Variants in PALD1 observed in about 807,000 individuals in gnomAD.
The protein encoded by PALD1 is paladin.
In PALD1, 57 loss-of-function variants were observed where a neutral mutation model predicts 96.0. The observed-to-expected ratio is 0.59, with a 90% CI of 0.48 to 0.74. The LOEUF is 0.74. PALD1 is among the 30% of genes least tolerant of loss of function. The pLI is 0.00. For synonymous variants in PALD1, 464 were observed against 473.6 expected (o/e 0.98, Z 0.26); for missense variants, 1,063 against 1,143.7 (o/e 0.93, Z 1.02).
rs61307157 is a variant in PALD1 at position 70,508,843 on chromosome 10, C to CTGTGTG, written c.-29-17071_-29-17066dup. Among the ~76,000 whole-genome samples the CTGTGTG allele has an allele frequency of 8.5e-5, 8 of 94,612 alleles. 1 individual carries two copies. The East Asian group carries it at 1.4e-3, about 16-fold the overall frequency. The allele number at this position is 94,612 out of a possible 152,430, so 62.1% of individuals were successfully genotyped here. A position where few individuals can be genotyped will look rare whatever the true frequency, so the allele number is the denominator to read the frequency against. On this transcript the variant is annotated intron_variant, in intron 1 of 19. Transcript: ENST00000263563. ...TGCAGGCCTGTGGGAGCTGCGGAAC[C>CTGTGTG]TGTGTGTGTGTGTGCAGGCCTGTGG...
the PALD1 span, among the ~76,000 whole-genome samples, chr10:70,462,212 A>G: frequency 1.3e-5 from 2 of 152,246 alleles, no homozygotes; most frequent in Non-Finnish European, 2.9e-5. Flanking sequence ...ACAAATGACT[A>G]GTAGGGAAAC....
At chr10:70,458,775 C>A in the PALD1 span, among the ~76,000 whole-genome samples, 2 of 152,196 alleles carry the variant, frequency 1.3e-5, no homozygotes, top group African/African-American at 2.4e-5. Flanking sequence ...TGTGTCCCCT[C>A]CCATCTGTCC....
chr10:70,516,256 G>A lies in PALD1; in HGVS notation c.-29-9667G>A, dbSNP rs1339529569. 1.3e-5 allele frequency among the ~76,000 whole-genome samples: 2 copies of A among 151,594 alleles called. 1 individual carries two copies. Among genetic ancestry groups the A allele is most frequent in the African/African-American group, 4.9e-5 (2 of 41,234 alleles). ...AGCGATCCTCCTGCCTCAGCCTCCC[G>A]AATAGCTGGGACTACAGGCGTGCAA... On this transcript the variant is annotated intron_variant, in intron 1 of 19. Coordinates refer to ENST00000263563, the MANE Select transcript of PALD1 (RefSeq NM_014431.3).
In PALD1 at chr10:70,541,445, G is replaced by A. The variant is rs1279320517; in HGVS notation, c.2050-18G>A. The A allele has an allele frequency of 5.0e-6, 8 of 1,612,360 alleles. No individual in the cohort carries two copies. The highest frequency in any genetic ancestry group is 5.9e-6 in the Non-Finnish European group (7 of 1,178,766). ...GCGTTGGGAGGGGGCTTCTGTCTCA[G>A]CAGCTGTCTTCCCTCAGGGCTTCCC... On this transcript the variant is annotated intron_variant, in intron 16 of 19. Coordinates refer to ENST00000263563, the MANE Select transcript of PALD1 (RefSeq NM_014431.3).
intron 4 of PALD1, among the ~76,000 whole-genome samples, chr10:70,530,683 G>C (rs1158156851): frequency 6.6e-6 from 1 of 152,154 alleles, no homozygotes; most frequent in Admixed American, 6.5e-5. Context: ...AGCTGCATCT[G>C]AATTGACCCC....
intron 1 of PALD1, among the ~76,000 whole-genome samples, chr10:70,519,577 T>C (rs570540702): frequency 4.7e-4 from 64 of 136,478 alleles, no homozygotes; most frequent in Middle Eastern, 3.6e-3. Context: ...TTCTTTCTTT[T>C]TTTTTTTTTT....
intron 17 of PALD1, among the ~76,000 whole-genome samples, chr10:70,546,099 C>T (rs1847356997): frequency 1.3e-5 from 2 of 151,728 alleles, no homozygotes; most frequent in Admixed American, 6.6e-5. Context: ...TAGCTGGGTG[C>T]GGTGGCAGGT....
chr10:70,468,602 T>C, the PALD1 span, among the ~76,000 whole-genome samples: 1 of 151,952 alleles, frequency 6.6e-6, no homozygotes, highest in Non-Finnish European at 1.5e-5. Context: ...GGAGCCCCCC[T>C]TCCCTGCCTT....
At chr10:70,563,443 G>A (rs1847781009) in intron 18 of PALD1, among the ~76,000 whole-genome samples, 1 of 152,134 alleles carries the variant, frequency 6.6e-6, no homozygotes, top group Admixed American at 6.5e-5. Flanking sequence ...GTCCCTCTCC[G>A]CCCCAGCACG....
the PALD1 span, among the ~76,000 whole-genome samples, chr10:70,462,884 C>A: frequency 5.3e-5 from 8 of 152,238 alleles, no homozygotes; most frequent in African/African-American, 1.7e-4. Flanking sequence ...TGGCCACACC[C>A]AGGAGCCCCT....
rs115483712 is a variant in PALD1, at chr10:70,552,389, G to A, written c.2262+4943G>A. ...ACCTCGTAGCGCATGTGGCTTTTCCGTTGTGTGGATTATTTTTGTAAAGCT... is the reference window on the plus strand; with the variant it reads ...ACCTCGTAGCGCATGTGGCTTTTCCATTGTGTGGATTATTTTTGTAAAGCT... On this transcript the variant is annotated intron_variant, in intron 18 of 19. Coordinates refer to ENST00000263563, the MANE Select transcript of PALD1 (RefSeq NM_014431.3). 4.2e-3 allele frequency among the ~76,000 whole-genome samples: 645 copies of A among 152,258 alleles called. 1 individual carries two copies. Among genetic ancestry groups the A allele is most frequent in the African/African-American group, 0.014 (599 of 41,532 alleles).
At chr10:70,479,588 G>A (rs1205036000) in intron 1 of PALD1, among the ~76,000 whole-genome samples, 1 of 152,220 alleles carries the variant, frequency 6.6e-6, no homozygotes, top group South Asian at 2.1e-4. Context: ...CAGTTTCAGA[G>A]GGTTTTCCTG....
At chr10:70,545,731 C>A (rs1477389988) in intron 17 of PALD1, among the ~76,000 whole-genome samples, 1 of 151,928 alleles carries the variant, frequency 6.6e-6, no homozygotes, top group Non-Finnish European at 1.5e-5. Flanking sequence ...AGCCACTGCA[C>A]CTGGCTGGGG....
chr10:70,548,596 G>T (rs537277713), intron 18 of PALD1, among the ~76,000 whole-genome samples: 5 of 152,200 alleles, frequency 3.3e-5, no homozygotes, highest in African/African-American at 1.2e-4. Flanking sequence ...CGGTGGGTAG[G>T]GGGTGAGGAT....
chr10:70,507,750 C>CGTGTGTGTGTGTGTGTGTGTGTGT (rs10579511), intron 1 of PALD1, among the ~76,000 whole-genome samples: 1 of 148,644 alleles, frequency 6.7e-6, no homozygotes, highest in African/African-American at 2.5e-5. Context: ...TTTGTGTGTG[C>CGTGTGTGTGTGTGTGTGTGTGTGT]GTGTGTGTGT....
At chr10:70,492,682 CCT>C (rs1219293447) in intron 1 of PALD1, among the ~76,000 whole-genome samples, 1 of 151,812 alleles carries the variant, frequency 6.6e-6, no homozygotes, top group African/African-American at 2.4e-5. Context: ...GTGTAGAACT[CCT>C]GACCTCAGGT....
chr10:70,516,988 C>T (rs1202112769), intron 1 of PALD1, among the ~76,000 whole-genome samples: 2 of 152,078 alleles, frequency 1.3e-5, no homozygotes, highest in Admixed American at 6.5e-5. Flanking sequence ...TCAGTGATCA[C>T]AAGGCACACA....
At chr10:70,503,595 C>G (rs1456556693) in intron 1 of PALD1, among the ~76,000 whole-genome samples, 1 of 152,134 alleles carries the variant, frequency 6.6e-6, no homozygotes, top group Non-Finnish European at 1.5e-5. Context: ...TATCACGCCA[C>G]TGCACTCCAG....
At chr10:70,460,406 A>G in the PALD1 span, among the ~76,000 whole-genome samples, 1 of 151,968 alleles carries the variant, frequency 6.6e-6, no homozygotes, top group Non-Finnish European at 1.5e-5. Flanking sequence ...GGGCTCCCTC[A>G]CAGTCATCTC....
Sources: allele counts gnomAD v4.1 joint callset (sites outside exome capture counted in the v4.1 genomes callset), GRCh38; gene constraint gnomAD v4.1.1; transcripts MANE v1.5; gene names NCBI Gene and HGNC (gene_info 2026-07-23, HGNC 2026-07-21).